The following DSE variants were observed in gnomAD, a reference collection of about 807,000 sequenced individuals.
DSE encodes the protein dermatan-sulfate epimerase.
A neutral mutation model predicts 84.4 loss-of-function variants in DSE; 36 were observed. The ratio of observed to expected loss-of-function variants is 0.43; its 90% CI spans 0.33 to 0.56. The LOEUF (loss-of-function observed/expected upper bound fraction) is 0.56. Ranked by LOEUF, DSE falls within the 20% of genes least tolerant of loss-of-function variation. DSE has a pLI of 0.06. For missense variants in DSE, 862 were observed against 1,169.6 expected (o/e 0.74, Z 3.84); for synonymous variants, 410 against 430.1 (o/e 0.95, Z 0.58).
intron 4 of DSE, among the ~76,000 whole-genome samples, chr6:116,431,411 G>A (rs1234466043): frequency 2.6e-5 from 4 of 152,126 alleles, no homozygotes; most frequent in Non-Finnish European, 4.4e-5. Context: ...GTATTATAAA[G>A]TTTGGAGGGT....
chr6:116,309,183 A>C (rs1044190141), intron 2 of DSE, among the ~76,000 whole-genome samples: 1 of 152,202 alleles, frequency 6.6e-6, no homozygotes, highest in African/African-American at 2.4e-5. Context: ...TAGATGACAC[A>C]TAGCACTCAA....
intron 2 of DSE, among the ~76,000 whole-genome samples, chr6:116,401,708 TGTAA>T (rs1781603699): frequency 1.3e-5 from 2 of 152,188 alleles, no homozygotes; most frequent in Admixed American, 1.3e-4. Context: ...AATTATGTGC[TGTAA>T]TAATTTAAAA....
rs1315320889 is a variant in DSE at position 116,299,533 on chromosome 6, TATATATATATATATATATACAC to T, written c.-54+40570_-54+40591del. 7.6e-3 allele frequency among the ~76,000 whole-genome samples: 278 copies of T among 36,696 alleles called. 21 individuals are homozygous for T. The highest frequency in any genetic ancestry group is 0.05 in the African/African-American group (224 of 4,512). The allele number at this position is 36,696 out of a possible 152,430, so 24.1% of individuals were successfully genotyped here. A position where few individuals can be genotyped will look rare whatever the true frequency, so the allele number is the denominator to read the frequency against. On this transcript the variant is annotated intron_variant, in intron 2 of 3. Transcript: ENST00000430252. ...ATATATATATATATATATATATATA[TATATATATATATATATATACAC>T]ATACACACACACACACACATACATA...
At chr6:116,379,477 T>G (rs1236169144) in intron 1 of DSE, among the ~76,000 whole-genome samples, 1 of 152,180 alleles carries the variant, frequency 6.6e-6, no homozygotes, top group Non-Finnish European at 1.5e-5. Flanking sequence ...CTCCTCTATC[T>G]TTACTTTAAT....
intron 2 of DSE, among the ~76,000 whole-genome samples, chr6:116,287,516 C>T (rs1018851967): frequency 6.6e-6 from 1 of 152,012 alleles, no homozygotes; most frequent in Non-Finnish European, 1.5e-5. Flanking sequence ...CTTTGTTTTA[C>T]AATTGATGTC....
At chr6:116,406,785 T>C (rs1343202335) in intron 2 of DSE, among the ~76,000 whole-genome samples, 1 of 152,174 alleles carries the variant, frequency 6.6e-6, no homozygotes, top group Non-Finnish European at 1.5e-5. Flanking sequence ...CATCTTTCCT[T>C]TTCCTTTCCA....
intron 4 of DSE, among the ~76,000 whole-genome samples, chr6:116,431,453 A>G (rs1323631585): frequency 3.9e-5 from 6 of 152,294 alleles, no homozygotes; most frequent in South Asian, 2.1e-4. Flanking sequence ...AGGCCCCTCA[A>G]TACTTTTTTT....
rs746687514 is a variant in DSE at position 116,437,269 on chromosome 6, G to A, written c.2801G>A (p.Cys934Tyr). 1 of 1,613,994 alleles carries A rather than the reference G, an allele frequency of 6.2e-7. No homozygotes were observed. Among genetic ancestry groups the A allele is most frequent in the South Asian group, 1.1e-5 (1 of 91,072 alleles). Residue 934 changes from cysteine (C) to tyrosine (Y), a missense_variant, in exon 6 of 6, where the codon TGT (cysteine) becomes TAT (tyrosine). Physicochemically the swap from Cys to Tyr is radical, Grantham distance 194. Transcript: ENST00000644252. Reference sequence around the variant, plus strand: ...GCCCAGAGCCTACATGGCCAAAGATGTCTTTATGCAGTTCTTCTCATAGAT... The same window carrying A: ...GCCCAGAGCCTACATGGCCAAAGATATCTTTATGCAGTTCTTCTCATAGAT... ...QRAQSLHGQR[C>Y]LYAVLLIDSC... is the part of the protein sequence containing the mutation.
intron 2 of DSE, among the ~76,000 whole-genome samples, chr6:116,360,645 G>A (rs896456759): frequency 2.0e-5 from 3 of 152,136 alleles, no homozygotes; most frequent in East Asian, 3.8e-4. Flanking sequence ...GGAAAAGGTC[G>A]CCACGTTGGC....
intron 2 of DSE, among the ~76,000 whole-genome samples, chr6:116,413,847 A>G (rs1782533862): frequency 1.3e-5 from 2 of 152,172 alleles, no homozygotes; most frequent in African/African-American, 4.8e-5. Flanking sequence ...TTTTCCCACC[A>G]TGAGGGCAGC....
At chr6:116,363,377 T>TTGTG (rs58017442) in intron 2 of DSE, among the ~76,000 whole-genome samples, 1 of 151,044 alleles carries the variant, frequency 6.6e-6, no homozygotes, top group African/African-American at 2.4e-5. Flanking sequence ...TGTGTGTGCT[T>TTGTG]TGTGTGTGTG....
chr6:116,355,311 A>G (rs1199489330), intron 2 of DSE, among the ~76,000 whole-genome samples: 1 of 152,216 alleles, frequency 6.6e-6, no homozygotes, highest in African/African-American at 2.4e-5. Flanking sequence ...ATTTCTGTGT[A>G]CCTTCCTCAA....
intron 2 of DSE, 53 bp from the exon 3 acceptor site, chr6:116,426,521 G>A (rs2115064526): frequency 6.3e-7 from 1 of 1,584,968 alleles, no homozygotes; most frequent in Non-Finnish European, 8.6e-7. Flanking sequence ...TAGAAGTGTG[G>A]TGAAAGCTGT....
At chr6:116,273,334 T>C (rs1772965433) in intron 2 of DSE, among the ~76,000 whole-genome samples, 1 of 152,182 alleles carries the variant, frequency 6.6e-6, no homozygotes, top group African/African-American at 2.4e-5. Flanking sequence ...AAAGTAGACA[T>C]CCACATTTTT....
chr6:116,325,994 A>G (rs1057153568), intron 2 of DSE, among the ~76,000 whole-genome samples: 2 of 152,176 alleles, frequency 1.3e-5, no homozygotes, highest in Admixed American at 6.5e-5. Flanking sequence ...TTGGAACAAA[A>G]CAGGACAGGG....
chr6:116,331,771 A>G (rs1776955458), intron 2 of DSE, among the ~76,000 whole-genome samples: 1 of 152,140 alleles, frequency 6.6e-6, no homozygotes, highest in African/African-American at 2.4e-5. Context: ...ATCATGGCCA[A>G]CATGGTGAAA....
At chr6:116,280,087 T>A in intron 2 of DSE, 1 of 577,246 alleles carries the variant, frequency 1.7e-6, no homozygotes, top group East Asian at 3.2e-5. Flanking sequence ...TTTACCTACG[T>A]AAATAAATGT....
chr6:116,285,695 G>C (rs1209337898), intron 2 of DSE, among the ~76,000 whole-genome samples: 3 of 152,164 alleles, frequency 2.0e-5, no homozygotes, highest in Non-Finnish European at 4.4e-5. Context: ...ATTAATTTTT[G>C]TATGCGGTGT....
chr6:116,314,465 A>G (rs1441449205), intron 2 of DSE, among the ~76,000 whole-genome samples: 2 of 152,214 alleles, frequency 1.3e-5, no homozygotes, highest in Non-Finnish European at 2.9e-5. Flanking sequence ...AATAGTTTGG[A>G]CATCTCATAG....
Sources: allele counts gnomAD v4.1 joint callset (sites outside exome capture counted in the v4.1 genomes callset), GRCh38; gene constraint gnomAD v4.1.1; transcripts MANE v1.5; gene names NCBI Gene and HGNC (gene_info 2026-07-23, HGNC 2026-07-21).